The following GRIP2 variants were observed in gnomAD, a reference collection of about 807,000 sequenced individuals.
GRIP2 encodes glutamate receptor interacting protein 2.
In GRIP2, 58 loss-of-function variants were observed where a neutral mutation model predicts 108.3. The ratio of observed to expected loss-of-function variants is 0.54; its 90% confidence interval spans 0.43 to 0.67. The LOEUF (loss-of-function observed/expected upper bound fraction) is 0.67. Ranked by LOEUF, GRIP2 falls within the 30% of genes least tolerant of loss-of-function variation. GRIP2 has a pLI of 0.00. For synonymous variants in GRIP2, 586 were observed against 598.2 expected (o/e 0.98, Z 0.30); for missense variants, 1,278 against 1,430.6 (o/e 0.89, Z 1.72).
At position 14,520,098 on chromosome 3, in the gene GRIP2, G is replaced by A; in HGVS notation, c.1030+12C>T. 6.3e-7 allele frequency: 1 copy of A among 1,579,776 alleles called. No individual in the cohort carries two copies. Among genetic ancestry groups the A allele is most frequent in the Non-Finnish European group, 8.6e-7 (1 of 1,164,212 alleles). ...CCAGGTTTGGGCCCTGAGATCTACT[G>A]AGGGGACCCACCTGCCTCTGAGGGC... On this transcript the variant is annotated intron_variant, in intron 9 of 23. Coordinates refer to ENST00000621039, the MANE Select transcript of GRIP2 (RefSeq NM_001080423.4).
In GRIP2 at chr3:14,520,271, G is replaced by A; in HGVS notation, c.869C>T (p.Ala290Val). 1 of 1,613,442 alleles carries A rather than the reference G, an allele frequency of 6.2e-7. No individual in the cohort carries two copies. Among genetic ancestry groups the A allele is most frequent in the Non-Finnish European group, 8.5e-7 (1 of 1,179,560 alleles). The part of the protein sequence containing the change: ...KPASVVDRSG[A>V]LHPGDHILSI... Reference sequence around the variant, plus strand: ...CAGGATGTGGTCTCCAGGGTGCAGGGCTCCGCTCCTGGCCAGGCAGGGGAG... The same window carrying A: ...CAGGATGTGGTCTCCAGGGTGCAGGACTCCGCTCCTGGCCAGGCAGGGGAG... The change falls in exon 9 of 24, where the codon GCC becomes GTC. Residue 290 changes from alanine (A) to valine (V), a missense_variant. Transcript: ENST00000621039.
the GRIP2 span, among the ~76,000 whole-genome samples, chr3:14,572,628 A>AAAAAAAAAAAC: frequency 6.7e-6 from 1 of 149,358 alleles, no homozygotes; most frequent in Non-Finnish European, 1.5e-5. Flanking sequence ...AAAAAAAAAA[A>AAAAAAAAAAAC]AAAAGACACA....
At chr3:14,583,390 C>T in the GRIP2 span, among the ~76,000 whole-genome samples, 1 of 152,210 alleles carries the variant, frequency 6.6e-6, no homozygotes, top group Admixed American at 6.5e-5. Context: ...TAGTCCAACC[C>T]CCAGCCAGAA....
chr3:14,501,781 C>T (rs1374867460), intron 21 of GRIP2, among the ~76,000 whole-genome samples: 2 of 152,058 alleles, frequency 1.3e-5, no homozygotes, highest in Non-Finnish European at 2.9e-5. Flanking sequence ...TCCAATTTTG[C>T]ACCATACACA....
intron 1 of GRIP2, among the ~76,000 whole-genome samples, chr3:14,547,908 C>T (rs1219037068): frequency 2.6e-5 from 4 of 152,210 alleles, no homozygotes; most frequent in African/African-American, 9.6e-5. Context: ...TCACTGCTCA[C>T]ACAGGGCCTA....
chr3:14,496,243 T>C lies in GRIP2; in HGVS notation c.2823+174A>G, dbSNP rs183733135. Among the ~76,000 whole-genome samples the C allele has an allele frequency of 4.5e-4, 68 of 152,322 alleles. No homozygotes were observed. The East Asian group carries it at 0.011, about 25-fold the overall frequency. ...GCCCAGTGTGAATCACAGGTGTGCA[T>C]GTGTGTGAGTGTGCATGTCACCCAA... is the stretch of plus-strand genomic sequence containing the variant. On this transcript the variant is annotated intron_variant, in intron 22 of 23. Coordinates refer to ENST00000621039, the MANE Select transcript of GRIP2 (RefSeq NM_001080423.4).
At chr3:14,573,895 A>G in the GRIP2 span, 1 of 1,205,304 alleles carries the variant, frequency 8.3e-7, no homozygotes, top group Non-Finnish European at 1.2e-6. Context: ...AGGCAGCCCG[A>G]CCTGTCGTTG....
At chr3:14,546,085 A>G (rs903672527), upstream of GRIP2, among the ~76,000 whole-genome samples, 1 of 152,172 alleles carries the variant, frequency 6.6e-6, no homozygotes. Flanking sequence ...CTTTAAGCTG[A>G]GCCCCAGGTC....
chr3:14,523,067 G>A lies in GRIP2; in HGVS notation c.499C>T (p.His167Tyr), dbSNP rs1436308488. The A allele has an allele frequency of 6.2e-7, 1 of 1,607,340 alleles. No individual in the cohort carries two copies. The highest frequency in any genetic ancestry group is 8.5e-7 in the Non-Finnish European group (1 of 1,175,870). The change falls in exon 6 of 24, where the codon CAT (histidine) becomes TAT (tyrosine). Residue 167 changes from histidine (H) to tyrosine (Y), a missense_variant. His to Tyr is a moderately conservative substitution (Grantham distance 83, BLOSUM62 2). Coordinates refer to ENST00000621039, the MANE Select transcript of GRIP2 (RefSeq NM_001080423.4). ...GGGCGGGACTTGTGCCCATCTTCAT[G>A]GGCACCTCCTGGACAGGATTTGACA... The part of the protein sequence containing the change: ...SFGFVLRGGA[H>Y]EDGHKSRPLV...
the GRIP2 span, among the ~76,000 whole-genome samples, chr3:14,569,436 GGGGAGTCCCA>G: frequency 3.9e-5 from 6 of 152,180 alleles, no homozygotes; most frequent in African/African-American, 1.4e-4. Context: ...CCCTGCCTTG[GGGGAGTCCCA>G]GGGAGGCCTA....
Position 14,505,660 on chromosome 3 carries a change from C to T in GRIP2, c.2528G>A (p.Ser843Asn). ...ATCCTCCTCCTCCTCCTCTGGAAAG[C>T]TCTCGTCAGCTGGGGTTGGGGTATA... ...TSYTPTPADE[S>N]FPEEEEEDDW... Residue 843 changes from serine (S) to asparagine (N), a missense_variant, in exon 20 of 24, where the codon AGC (serine) becomes AAC (asparagine). By Grantham distance (46) the Ser-to-Asn change is conservative. Transcript: ENST00000621039. This position sits in a 1 kb window ranked among gnomAD's most constrained non-coding sequence, Gnocchi z 4.2. The T allele has an allele frequency of 6.2e-7, 1 of 1,609,248 alleles. No homozygotes were observed. Among genetic ancestry groups the T allele is most frequent in the Non-Finnish European group, 8.5e-7 (1 of 1,177,842 alleles).
Position 14,522,936 on chromosome 3 carries a change from C to T in GRIP2, c.566+64G>A. On this transcript the variant is annotated intron_variant, in intron 6 of 23. Coordinates refer to ENST00000621039, the MANE Select transcript of GRIP2 (RefSeq NM_001080423.4). The surrounding 1 kb of genome is among the most constrained non-coding windows in gnomAD (Gnocchi z 4.3). ...GAAGGGGCATGGTGACCCCACTCCA[C>T]CTTCTTCGCAGGGGAGTTGGGGCAG... 3 of 1,408,084 alleles carry T rather than the reference C, an allele frequency of 2.1e-6. No homozygotes were observed. Among genetic ancestry groups the T allele is most frequent in the South Asian group, 1.2e-5 (1 of 86,768 alleles). 87.2% of individuals were successfully genotyped at this position (1,408,084 alleles called of 1,614,324 possible).
chr3:14,535,374 C>T (rs1694810829), intron 1 of GRIP2, among the ~76,000 whole-genome samples: 1 of 152,150 alleles, frequency 6.6e-6, no homozygotes, highest in Admixed American at 6.5e-5. Context: ...TGGTGCCCAC[C>T]TCATGGGTTG....
chr3:14,539,206 G>A (rs1004335171), intron 1 of GRIP2, among the ~76,000 whole-genome samples: 2 of 152,230 alleles, frequency 1.3e-5, no homozygotes, highest in Admixed American at 6.5e-5. Flanking sequence ...AAGTGGCAGT[G>A]TAGTTATGAG....
At chr3:14,530,016 G>C (rs1482045270) in intron 1 of GRIP2, among the ~76,000 whole-genome samples, 1 of 152,154 alleles carries the variant, frequency 6.6e-6, no homozygotes, top group Non-Finnish European at 1.5e-5. Context: ...TACCAATCTT[G>C]GCTCAAAGAT....
intron 7 of GRIP2, chr3:14,520,843 A>C: frequency 2.5e-6 from 1 of 395,510 alleles, no homozygotes. Flanking sequence ...CCAGCACTAA[A>C]CTGTAAAGTT....
Position 14,540,342 on chromosome 3 carries a change from C to A in GRIP2, c.-34G>T, listed in dbSNP as rs780609500. 6.2e-7 allele frequency: 1 copy of A among 1,612,846 alleles called. No homozygotes were observed. Among genetic ancestry groups the A allele is most frequent in the South Asian group, 1.1e-5 (1 of 90,776 alleles). On this transcript the variant is annotated 5_prime_UTR_variant, in exon 1 of 24. Coordinates refer to ENST00000621039, the MANE Select transcript of GRIP2 (RefSeq NM_001080423.4). The surrounding 1 kb of genome is among the most constrained non-coding windows in gnomAD (Gnocchi z 4.1). ...TTGTCTCCCCTGCTGCCCACCAACT[C>A]CCTCGGGAGCCACGCTGCTTGGCCC...
chr3:14,517,701 A>C, intron 10 of GRIP2, 71 bp downstream of exon 10: 1 of 1,567,286 alleles, frequency 6.4e-7, no homozygotes, highest in Non-Finnish European at 8.7e-7. Flanking sequence ...CTTCCCTTAG[A>C]CAACAGGCAT....
chr3:14,520,067 G>A (rs1241620511), intron 9 of GRIP2, 43 bp downstream of exon 9: 1 of 1,537,982 alleles, frequency 6.5e-7, no homozygotes, highest in Non-Finnish European at 8.8e-7. Flanking sequence ...CAGGCCTCAT[G>A]ACTGCCCAGG....
Sources: gnomAD v4.1 joint callset for allele counts (sites outside exome capture counted in the v4.1 genomes callset) on GRCh38, gnomAD v4.1.1 for gene constraint, Gnocchi (gnomAD v3.1) non-coding constraint, MANE v1.5 for transcripts, NCBI Gene and HGNC (gene_info 2026-07-23, HGNC 2026-07-21) for gene names.